Variants in IGF2BP3 observed in about 807,000 individuals in gnomAD.
IGF2BP3 encodes the protein insulin like growth factor 2 mRNA binding protein 3, also known as insulin-like growth factor 2 mRNA-binding protein 3.
A neutral mutation model predicts 73.8 loss-of-function variants in IGF2BP3; 9 were observed. That is an observed-to-expected ratio of 0.12 (90% CI 0.07 to 0.21). The LOEUF is 0.21. IGF2BP3 is among the 10% of genes least tolerant of loss of function. IGF2BP3 has a pLI of 1.00. For synonymous variants in IGF2BP3, 258 were observed against 256.7 expected, an observed-to-expected ratio of 1.01 and a Z score of -0.05; for missense variants, 542 against 714.0, an observed-to-expected ratio of 0.76 and a Z score of 2.75.
chr7:23,312,658 C>A lies in IGF2BP3; in HGVS notation c.1641+77G>T, dbSNP rs1195586712. On this transcript the variant is annotated intron_variant, in intron 14 of 14. Coordinates refer to ENST00000258729, the MANE Select transcript of IGF2BP3 (RefSeq NM_006547.3). ...AAGCATCAAACAACCTTAACTAATT[C>A]TATCAGGTAGGAGCACCTGTGGGAG... 4.6e-6 allele frequency: 5 copies of A among 1,082,170 alleles called. No homozygotes were observed. In the East Asian group the frequency reaches 1.2e-4, roughly 27 times the overall value. The allele number at this position is 1,082,170 out of a possible 1,614,324, so 67.0% of individuals were successfully genotyped here.
At chr7:23,439,863 C>A (rs916357810) in intron 2 of IGF2BP3, among the ~76,000 whole-genome samples, 8 of 152,204 alleles carry the variant, frequency 5.3e-5, no homozygotes, top group Admixed American at 5.2e-4. Flanking sequence ...TCACACTCAA[C>A]AGTACCTAGA....
intron 3 of IGF2BP3, among the ~76,000 whole-genome samples, chr7:23,370,683 GT>G (rs547962107): frequency 1.6e-3 from 235 of 143,648 alleles, no homozygotes; most frequent in Non-Finnish European, 2.1e-3. Context: ...TGGTTTTTTT[GT>G]TTTTTTTTTT....
chr7:23,401,502 C>T (rs540708009), intron 3 of IGF2BP3, among the ~76,000 whole-genome samples: 178 of 150,606 alleles, frequency 1.2e-3, no homozygotes, highest in Non-Finnish European at 2.1e-3. Context: ...CGGTGGCTCA[C>T]GCCTGTAATT....
intron 7 of IGF2BP3, 120 bp from the exon 8 acceptor site, chr7:23,346,182 T>A: frequency 2.6e-6 from 3 of 1,148,338 alleles, no homozygotes; most frequent in Non-Finnish European, 3.6e-6. Context: ...CTGTGTTAGG[T>A]ACAGCTTAAA....
chr7:23,357,102 CTTTAT>C, intron 5 of IGF2BP3, among the ~76,000 whole-genome samples: 1 of 152,292 alleles, frequency 6.6e-6, no homozygotes, highest in Admixed American at 6.5e-5. Flanking sequence ...TGTCTCACTG[CTTTAT>C]TTCTTTTTCC....
chr7:23,334,133 C>T lies in IGF2BP3; in HGVS notation c.1203+7931G>A, dbSNP rs138545259. 4.8e-3 allele frequency among the ~76,000 whole-genome samples: 725 copies of T among 152,116 alleles called. 3 individuals are homozygous for T. The highest frequency in any genetic ancestry group is 0.014 in the African/African-American group (595 of 41,492). On this transcript the variant is annotated intron_variant, in intron 10 of 14. Coordinates refer to ENST00000258729, the MANE Select transcript of IGF2BP3 (RefSeq NM_006547.3). ...GGCGGATCCCTTGAGGTCAGGAGTT[C>T]GAGACCAGCTGGGCTGATATGATGA...
At position 23,457,322 on chromosome 7, in the gene IGF2BP3, G is replaced by A. The variant is rs532246841; in HGVS notation, c.236+11160C>T. Among the ~76,000 whole-genome samples the A allele has an allele frequency of 1.7e-4, 26 of 151,922 alleles. 1 individual carries two copies. In the South Asian group the frequency reaches 5.0e-3, roughly 29 times the overall value. On this transcript the variant is annotated intron_variant, in intron 2 of 14. Coordinates refer to ENST00000258729, the MANE Select transcript of IGF2BP3 (RefSeq NM_006547.3). ...CTACCAAAAAATACAAAAATTAGCC[G>A]GGTGTGGTGGCACACACCTGTAATC...
chr7:23,371,498 A>G (rs1002664604), intron 3 of IGF2BP3, among the ~76,000 whole-genome samples: 17 of 152,188 alleles, frequency 1.1e-4, no homozygotes, highest in African/African-American at 3.9e-4. Flanking sequence ...ATATTGATAT[A>G]TAATTCTAAA....
intron 2 of IGF2BP3, among the ~76,000 whole-genome samples, chr7:23,441,932 C>T (rs1266512587): frequency 6.6e-6 from 1 of 152,102 alleles, no homozygotes; most frequent in Non-Finnish European, 1.5e-5. Flanking sequence ...TGAGACCAGC[C>T]TGGCCAACAA....
rs1375151454 is a variant in IGF2BP3 at position 23,317,692 on chromosome 7, C to T, written c.1342G>A (p.Asp448Asn). 1 of 1,614,120 alleles carries T rather than the reference C, an allele frequency of 6.2e-7. No individual in the cohort carries two copies. The highest frequency in any genetic ancestry group is 1.1e-5 in the South Asian group (1 of 91,082). Residue 448 changes from aspartate (D) to asparagine (N), a missense_variant, in exon 12 of 15, where the codon GAT (aspartate) becomes AAT (asparagine). Coordinates refer to ENST00000258729, the MANE Select transcript of IGF2BP3 (RefSeq NM_006547.3). ...ATAATCACCATCCTCACTTTAGCAT[C>T]TGGTGCTTCCGCTGGAGCAATCTGT... ...SIKIAPAEAP[D>N]AKVRMVIITG...
At chr7:23,351,932 T>C (rs78600601) in intron 5 of IGF2BP3, among the ~76,000 whole-genome samples, 2,768 of 152,292 alleles carry the variant, frequency 0.018, 107 homozygotes, top group African/African-American at 0.063. Context: ...GGTTTAGGAA[T>C]AGCTAAGCAG....
At chr7:23,349,896 G>A (rs912739284) in intron 6 of IGF2BP3, among the ~76,000 whole-genome samples, 3 of 152,180 alleles carry the variant, frequency 2.0e-5, no homozygotes, top group African/African-American at 7.2e-5. Context: ...GCAGGTAACG[G>A]TGGATCAAGG....
chr7:23,388,826 T>G (rs6943423), intron 3 of IGF2BP3, among the ~76,000 whole-genome samples: 7,810 of 147,516 alleles, frequency 0.053, 680 homozygotes, highest in African/African-American at 0.18. Context: ...AACATCCACA[T>G]AGAGACCTAC....
intron 2 of IGF2BP3, among the ~76,000 whole-genome samples, chr7:23,452,959 A>T (rs181321612): frequency 6.6e-6 from 1 of 152,078 alleles, no homozygotes; most frequent in East Asian, 1.9e-4. Context: ...TAAAAATACA[A>T]AAATTAGCTG....
At chr7:23,325,038 T>A (rs1291203455) in intron 10 of IGF2BP3, among the ~76,000 whole-genome samples, 1 of 151,830 alleles carries the variant, frequency 6.6e-6, no homozygotes, top group Non-Finnish European at 1.5e-5. Flanking sequence ...CTCTCACCAC[T>A]CCTACTCAAC....
At chr7:23,313,326 C>A (rs1783885393) in intron 13 of IGF2BP3, among the ~76,000 whole-genome samples, 196 bp downstream of exon 13, 1 of 152,162 alleles carries the variant, frequency 6.6e-6, no homozygotes, top group African/African-American at 2.4e-5. Flanking sequence ...ACAAAGTGAT[C>A]TGAAAGAGAT....
At chr7:23,444,788 A>G (rs1188998779) in intron 2 of IGF2BP3, among the ~76,000 whole-genome samples, 1 of 151,616 alleles carries the variant, frequency 6.6e-6, no homozygotes, top group Non-Finnish European at 1.5e-5. Flanking sequence ...ACAGTGAGGT[A>G]GTTGGGTTCG....
chr7:23,442,237 A>T (rs770467336), intron 2 of IGF2BP3, among the ~76,000 whole-genome samples: 2 of 152,246 alleles, frequency 1.3e-5, no homozygotes, highest in Non-Finnish European at 2.9e-5. Flanking sequence ...GGCTCAAAAC[A>T]TAAGTTGAAA....
chr7:23,417,148 C>G (rs938581899), intron 3 of IGF2BP3, among the ~76,000 whole-genome samples: 4 of 152,146 alleles, frequency 2.6e-5, no homozygotes, highest in African/African-American at 4.8e-5. Context: ...GAAAGAAACA[C>G]CTAACAGCAG....
Sources: allele counts gnomAD v4.1 joint callset (sites outside exome capture counted in the v4.1 genomes callset), GRCh38; gene constraint gnomAD v4.1.1; transcripts MANE v1.5; gene names NCBI Gene and HGNC (gene_info 2026-07-23, HGNC 2026-07-21).